TTC6: variants seen among roughly 807,000 people sequenced by gnomAD.
TTC6 encodes tetratricopeptide repeat protein 6.
A neutral mutation model predicts 210.4 loss-of-function variants in TTC6; 172 were observed. That is an observed-to-expected ratio of 0.82 (90% CI 0.72 to 0.93). The LOEUF (loss-of-function observed/expected upper bound fraction) is 0.93, where lower values mean the gene tolerates loss of function less well. TTC6 is among the 40% of genes least tolerant of loss of function. TTC6 has a pLI of 0.00. For missense variants in TTC6, 2,414 were observed against 2,318.1 expected (o/e 1.04, Z -0.85); for synonymous variants, 804 against 819.6 (o/e 0.98, Z 0.32).
chr14:37,841,496 G>A (rs779880962), exon 30 of TTC6: 4 of 1,595,970 alleles, frequency 2.5e-6, no homozygotes, highest in South Asian at 1.2e-5. Flanking sequence ...AAATGAATAT[G>A]TTCTCATGAA....
intron 1 of TTC6, among the ~76,000 whole-genome samples, chr14:37,627,613 TC>T (rs2095662510): frequency 6.6e-6 from 1 of 152,210 alleles, no homozygotes; most frequent in African/African-American, 2.4e-5. Flanking sequence ...TTCATCCATG[TC>T]CCTGCAAAGG....
intron 7 of TTC6, among the ~76,000 whole-genome samples, chr14:37,730,587 T>A (rs1338535227): frequency 1.3e-5 from 2 of 152,344 alleles, no homozygotes; most frequent in East Asian, 3.9e-4. Context: ...TCTTACATCA[T>A]TTCCTTTCTT....
intron 14 of TTC6, among the ~76,000 whole-genome samples, chr14:37,759,329 C>T (rs190102683): frequency 6.6e-6 from 1 of 151,868 alleles, no homozygotes; most frequent in East Asian, 1.9e-4. Flanking sequence ...AATATTGCCA[C>T]CCCACTCTCT....
chr14:37,709,905 A>C (rs989307840), intron 5 of TTC6, among the ~76,000 whole-genome samples: 2 of 152,072 alleles, frequency 1.3e-5, no homozygotes, highest in Non-Finnish European at 2.9e-5. Flanking sequence ...CTTTTTCCAG[A>C]CCTTGGCATC....
Position 37,792,131 on chromosome 14 carries a change from T to G in TTC6, c.3558-133T>G, listed in dbSNP as rs548617324. 56 of 703,030 alleles carry G rather than the reference T, an allele frequency of 8.0e-5. 2 individuals are homozygous for G. The South Asian group carries it at 1.4e-3, about 18-fold the overall frequency. The allele number at this position is 703,030 out of a possible 1,614,324, so 43.5% of individuals were successfully genotyped here. ...ATAGAGAGCAGCTAACTAATTTACT[T>G]TCCTTTGTAAAACATTAAAAAATAC... On this transcript the variant is annotated intron_variant, in intron 16 of 30. Transcript: ENST00000553443.
intron 14 of TTC6, among the ~76,000 whole-genome samples, chr14:37,772,995 C>T (rs765758740): frequency 6.6e-5 from 10 of 152,018 alleles, no homozygotes; most frequent in Non-Finnish European, 1.2e-4. Context: ...ATTTCTCTAA[C>T]GATTAGTGAT....
chr14:37,630,907 G>GGTTTTT (rs2095668280), intron 1 of TTC6, among the ~76,000 whole-genome samples: 1 of 33,064 alleles, frequency 3.0e-5, no homozygotes, highest in African/African-American at 1.4e-4. Flanking sequence ...GGCAACCCCT[G>GGTTTTT]TTTTTTTTTT....
At chr14:37,739,225 A>C in intron 10 of TTC6, 70 bp downstream of exon 12, 1 of 1,338,156 alleles carries the variant, frequency 7.5e-7, no homozygotes, top group Non-Finnish European at 9.9e-7. Context: ...TTATAATCTC[A>C]CCCCATGAAG....
Position 37,645,805 on chromosome 14 carries a change from G to T in TTC6, c.939+22802G>T, listed in dbSNP as rs1214677203. 4.6e-5 allele frequency among the ~76,000 whole-genome samples: 7 copies of T among 152,214 alleles called. No homozygotes were observed. The East Asian group carries it at 9.7e-4, about 21-fold the overall frequency. The stretch of plus-strand genomic sequence containing the variant: ...GGTAGCCAAGAGCCAGATCAACTGG[G>T]GCAGTGGTTCTCAGTACTATCAGAC... On this transcript the variant is annotated intron_variant, in intron 1 of 30. Coordinates refer to ENST00000553443, the Ensembl canonical transcript of TTC6.
chr14:37,720,934 A>C (rs879773529), intron 6 of TTC6, among the ~76,000 whole-genome samples: 4 of 152,102 alleles, frequency 2.6e-5, no homozygotes, highest in Admixed American at 6.6e-5. Context: ...TGTTTATGAT[A>C]TGGTACTATG....
chr14:37,620,509 C>T (rs1209611923), upstream of TTC6, among the ~76,000 whole-genome samples: 1 of 152,102 alleles, frequency 6.6e-6, no homozygotes, highest in South Asian at 2.1e-4. Context: ...TACTCTTGCC[C>T]CTCCCGCCTC....
At chr14:37,772,753 A>G (rs568938956) in intron 14 of TTC6, among the ~76,000 whole-genome samples, 14 of 152,110 alleles carry the variant, frequency 9.2e-5, no homozygotes, top group Non-Finnish European at 1.5e-4. Context: ...AAATGCAGAT[A>G]TCACCCGTCT....
At chr14:37,765,793 T>C (rs939424586) in intron 14 of TTC6, among the ~76,000 whole-genome samples, 1 of 152,176 alleles carries the variant, frequency 6.6e-6, no homozygotes, top group Non-Finnish European at 1.5e-5. Context: ...TCCTTCATTT[T>C]TGAAGGCTAG....
At chr14:37,611,422 G>A (rs1194711136) in intron 2 of TTC6, 1 of 152,346 alleles carries the variant, frequency 6.6e-6, no homozygotes, top group East Asian at 1.9e-4. Context: ...CGAAGGAGAG[G>A]TGCGTTGTTT....
At chr14:37,753,631 C>T (rs761859746) in intron 14 of TTC6, among the ~76,000 whole-genome samples, 6 of 152,138 alleles carry the variant, frequency 3.9e-5, no homozygotes, top group Non-Finnish European at 8.8e-5. Flanking sequence ...TGCAGTGACG[C>T]AGTCATGGCT....
chr14:37,681,507 A>G (rs1473095350), intron 2 of TTC6, among the ~76,000 whole-genome samples: 1 of 152,194 alleles, frequency 6.6e-6, no homozygotes, highest in Non-Finnish European at 1.5e-5. Context: ...TTCCCTAAGC[A>G]TTGACATTTA....
At chr14:37,651,404 TATATATATATATATATA>T (rs1566864142) in intron 1 of TTC6, among the ~76,000 whole-genome samples, 3 of 17,962 alleles carry the variant, frequency 1.7e-4, no homozygotes, top group African/African-American at 8.8e-4. Context: ...TATATATATA[TATATATATATATATATA>T]TATATTTTTT....
At chr14:37,689,404 C>G (rs2095799580) in intron 3 of TTC6, among the ~76,000 whole-genome samples, 1 of 152,044 alleles carries the variant, frequency 6.6e-6, no homozygotes, top group African/African-American at 2.4e-5. Flanking sequence ...AAAGTTTACT[C>G]AAAGGGATAA....
chr14:37,651,224 C>T lies in TTC6; in HGVS notation c.939+28221C>T, dbSNP rs187096470. ...TGTTTTCCCATACCCCTCTCTGCCC[C>T]TCCCTTCCCTGCTCCTTTTCTTTTT... On this transcript the variant is annotated intron_variant, in intron 1 of 30. Coordinates refer to ENST00000553443, the Ensembl canonical transcript of TTC6. Among the ~76,000 whole-genome samples the T allele has an allele frequency of 1.7e-4, 26 of 151,526 alleles. No individual in the cohort carries two copies. The East Asian group carries it at 4.9e-3, about 28-fold the overall frequency.
Sources: allele counts gnomAD v4.1 joint callset (sites outside exome capture counted in the v4.1 genomes callset), GRCh38; gene constraint gnomAD v4.1.1; transcripts MANE v1.5; gene names NCBI Gene and HGNC (gene_info 2026-07-23, HGNC 2026-07-21).